Variants in RALGAPA2 observed in about 807,000 individuals in gnomAD.
RALGAPA2 encodes the protein ral GTPase-activating protein subunit alpha-2.
In RALGAPA2, 139 loss-of-function variants were observed where a neutral mutation model predicts 230.4. The observed-to-expected ratio is 0.60, with a 90% CI of 0.53 to 0.69. The LOEUF (loss-of-function observed/expected upper bound fraction) is 0.69. Among genes scored for constraint, RALGAPA2 ranks in the 30% least tolerant of loss-of-function variants. The pLI, the probability that RALGAPA2 is intolerant of heterozygous loss-of-function variation, is 0.00. For synonymous variants in RALGAPA2, 847 were observed against 837.8 expected (o/e 1.01, Z -0.19); for missense variants, 2,163 against 2,276.0 (o/e 0.95, Z 1.01).
chr20:20,644,743 T>A (rs1718116774), intron 4 of RALGAPA2, among the ~76,000 whole-genome samples: 1 of 152,232 alleles, frequency 6.6e-6, no homozygotes, highest in South Asian at 2.1e-4. Flanking sequence ...CAACATTTAC[T>A]AGGCTGGCTC....
chr20:20,394,264 G>A (rs1178140403), intron 39 of RALGAPA2, among the ~76,000 whole-genome samples: 2 of 152,180 alleles, frequency 1.3e-5, no homozygotes, highest in Admixed American at 6.5e-5. Context: ...TATGGAGGCA[G>A]CCTGGCTCAG....
At chr20:20,638,446 C>T (rs1264398164) in intron 7 of RALGAPA2, among the ~76,000 whole-genome samples, 3 of 152,184 alleles carry the variant, frequency 2.0e-5, no homozygotes, top group African/African-American at 7.2e-5. Context: ...GAGAACTCAT[C>T]TCAATCGACA....
At chr20:20,482,474 C>A (rs140317020) in intron 36 of RALGAPA2, among the ~76,000 whole-genome samples, 4 of 151,952 alleles carry the variant, frequency 2.6e-5, no homozygotes, top group African/African-American at 9.7e-5. Context: ...GTGGGAAGAG[C>A]GGAGCACTCC....
chr20:20,601,244 G>A (rs183064337), intron 16 of RALGAPA2, among the ~76,000 whole-genome samples: 46 of 152,186 alleles, frequency 3.0e-4, no homozygotes, highest in African/African-American at 1.1e-3. Flanking sequence ...GCATGAAAAG[G>A]CTCAATTTTC....
At chr20:20,682,500 G>C (rs2068554837) in intron 1 of RALGAPA2, among the ~76,000 whole-genome samples, 1 of 152,098 alleles carries the variant, frequency 6.6e-6, no homozygotes, top group African/African-American at 2.4e-5. Context: ...TCACTAGTCA[G>C]CTAAAACATC....
chr20:20,433,018 GC>G (rs1490490936), intron 37 of RALGAPA2, among the ~76,000 whole-genome samples: 1 of 152,222 alleles, frequency 6.6e-6, no homozygotes, highest in African/African-American at 2.4e-5. Flanking sequence ...ATTCTAAAGA[GC>G]CTGCATTTTA....
intron 37 of RALGAPA2, among the ~76,000 whole-genome samples, chr20:20,465,490 T>C (rs905093190): frequency 7.9e-5 from 12 of 152,014 alleles, no homozygotes; most frequent in Non-Finnish European, 1.6e-4. Flanking sequence ...TGAGATGCAG[T>C]GACCCACTGG....
chr20:20,456,506 C>T (rs577538109), intron 37 of RALGAPA2, among the ~76,000 whole-genome samples: 41 of 152,366 alleles, frequency 2.7e-4, no homozygotes, highest in Non-Finnish European at 4.1e-4. Context: ...TCTAGGCTGG[C>T]CTTGTGACCT....
chr20:20,701,431 G>C (rs544323267), intron 1 of RALGAPA2, among the ~76,000 whole-genome samples: 2 of 152,306 alleles, frequency 1.3e-5, no homozygotes, highest in Admixed American at 1.3e-4. Flanking sequence ...CACGGATAAG[G>C]CATGAACACA....
chr20:20,616,414 C>A (rs190684164), intron 12 of RALGAPA2, among the ~76,000 whole-genome samples: 1 of 152,024 alleles, frequency 6.6e-6, no homozygotes, highest in Admixed American at 6.5e-5. Flanking sequence ...AAGCCTTTCC[C>A]TAGGGGAAAA....
At chr20:20,396,056 G>C (rs921234266) in intron 39 of RALGAPA2, among the ~76,000 whole-genome samples, 5 of 152,232 alleles carry the variant, frequency 3.3e-5, no homozygotes, top group Non-Finnish European at 7.3e-5. Context: ...CCATCCATCA[G>C]AGCGCTCTGG....
chr20:20,413,052 G>GAAGTCCGCC (rs1478343427), intron 37 of RALGAPA2, among the ~76,000 whole-genome samples: 45 of 152,316 alleles, frequency 3.0e-4, no homozygotes, highest in Admixed American at 1.1e-3. Flanking sequence ...AACACTTGGG[G>GAAGTCCGCC]AAGTCCGCAT....
intron 1 of RALGAPA2, among the ~76,000 whole-genome samples, chr20:20,705,957 G>A (rs370317878): frequency 4.6e-5 from 7 of 152,216 alleles, no homozygotes; most frequent in East Asian, 3.9e-4. Context: ...GTGAGCCACC[G>A]CACCCCGCCA....
chr20:20,481,961 A>C (rs1001136941), intron 36 of RALGAPA2, among the ~76,000 whole-genome samples: 2 of 152,202 alleles, frequency 1.3e-5, no homozygotes, highest in Admixed American at 1.3e-4. Flanking sequence ...GTAAAAAAAA[A>C]CCAAACAATT....
At chr20:20,576,031 T>G (rs1382477556) in intron 20 of RALGAPA2, among the ~76,000 whole-genome samples, 1 of 152,184 alleles carries the variant, frequency 6.6e-6, no homozygotes, top group Non-Finnish European at 1.5e-5. Context: ...AGCCACTTAT[T>G]TTATAATTTT....
chr20:20,680,355 TG>T (rs752439834), intron 2 of RALGAPA2, among the ~76,000 whole-genome samples: 1 of 152,260 alleles, frequency 6.6e-6, no homozygotes, highest in Non-Finnish European at 1.5e-5. Flanking sequence ...AACAGACACT[TG>T]AGTGTTCATT....
At chr20:20,573,145 C>A in intron 20 of RALGAPA2, 77 bp from the exon 21 acceptor site, 2 of 1,248,584 alleles carry the variant, frequency 1.6e-6, no homozygotes, top group Non-Finnish European at 2.1e-6. Flanking sequence ...AGGCAAATTA[C>A]CTTAGGTATT....
intron 37 of RALGAPA2, among the ~76,000 whole-genome samples, chr20:20,433,662 A>T (rs1445461242): frequency 6.6e-6 from 1 of 152,188 alleles, no homozygotes; most frequent in East Asian, 1.9e-4. Flanking sequence ...AGCTCATTTA[A>T]AATAAGCCCT....
chr20:20,478,128 C>T (rs180821593), intron 36 of RALGAPA2, among the ~76,000 whole-genome samples: 4 of 152,296 alleles, frequency 2.6e-5, no homozygotes, highest in Admixed American at 2.6e-4. Context: ...GCACAAACCT[C>T]TATGTTTAGA....
Sources: allele counts gnomAD v4.1 joint callset (sites outside exome capture counted in the v4.1 genomes callset), GRCh38; gene constraint gnomAD v4.1.1; transcripts MANE v1.5; gene names NCBI Gene and HGNC (gene_info 2026-07-23, HGNC 2026-07-21).